HLA-DQB2: variants seen among roughly 807,000 people sequenced by gnomAD.
HLA-DQB2 encodes HLA class II histocompatibility antigen, DQ beta 2 chain.
A neutral mutation model predicts 29.2 loss-of-function variants in HLA-DQB2; 24 were observed. That is an observed-to-expected ratio of 0.82 (90% CI 0.60 to 1.16). The LOEUF (loss-of-function observed/expected upper bound fraction) is 1.16. Among genes scored for constraint, HLA-DQB2 ranks in the 50% most tolerant of loss-of-function variants. The probability of loss-of-function intolerance (pLI) is 0.00; values close to 1 mark genes in which losing one functional copy is unlikely to be tolerated. For synonymous variants in HLA-DQB2, 104 were observed against 133.1 expected, an observed-to-expected ratio of 0.78 and a Z score of 1.51; for missense variants, 273 against 343.6, an observed-to-expected ratio of 0.79 and a Z score of 1.62.
intron 1 of HLA-DQB2, 66 bp from the exon 2 acceptor site, chr6:32,761,992 C>G (rs1350085930): frequency 7.1e-6 from 11 of 1,555,636 alleles, no homozygotes; most frequent in Non-Finnish European, 8.7e-6. Flanking sequence ...CCAGCCGGAC[C>G]GCACCCTTCA....
At chr6:32,759,235 A>C in intron 2 of HLA-DQB2, 104 bp from the exon 3 acceptor site, 1 of 1,376,302 alleles carries the variant, frequency 7.3e-7, no homozygotes, top group Non-Finnish European at 9.8e-7. Flanking sequence ...ATAGAAAGAT[A>C]CCTGGAGTCC....
At chr6:32,760,967 T>C (rs1764733902) in intron 2 of HLA-DQB2, among the ~76,000 whole-genome samples, 2 of 152,280 alleles carry the variant, frequency 1.3e-5, no homozygotes, top group Admixed American at 1.3e-4. Context: ...AGTACATTTA[T>C]TCATTAATTT....
rs1484763621 is a variant in HLA-DQB2, at chr6:32,763,517, A to C, written c.-47T>G. ...CAAGGAAAAAGCAGTGGTAGTCAAC[A>C]CAGCTCAAACCTAATGGATCTTATG... is the stretch of plus-strand genomic sequence containing the variant. On this transcript the variant is annotated 5_prime_UTR_variant, in exon 1 of 6. Transcript: ENST00000437316. The C allele has an allele frequency of 1.6e-5, 20 of 1,225,860 alleles. No homozygotes were observed. The highest frequency in any genetic ancestry group is 2.1e-5 in the Non-Finnish European group (18 of 849,302). The allele number at this position is 1,225,860 out of a possible 1,614,324, so 75.9% of individuals were successfully genotyped here. A position where few individuals can be genotyped will look rare whatever the true frequency, so the allele number is the denominator to read the frequency against.
Position 32,758,969 on chromosome 6 carries a change from C to T in HLA-DQB2, c.527G>A (p.Arg176Lys). ...TAGVVSTSLI[R>K]NGDWTFQILV... ...AATCTGGAAGGTCCAGTCACCATTC[C>T]TAATGAGGGAGGTGGACACAACACC... Residue 176 changes from arginine (R) to lysine (K), a missense_variant, in exon 3 of 6, where the codon AGG becomes AAG. Arg to Lys is a conservative substitution (Grantham distance 26). Transcript: ENST00000437316. 1 of 1,614,248 alleles carries T rather than the reference C, an allele frequency of 6.2e-7. No homozygotes were observed.
intron 2 of HLA-DQB2, among the ~76,000 whole-genome samples, chr6:32,761,300 G>GGAAACT (rs1764779027): frequency 6.8e-6 from 1 of 147,748 alleles, no homozygotes; most frequent in Non-Finnish European, 1.5e-5. Context: ...GGAAGAGGGC[G>GGAAACT]GGCATTCGGG....
At chr6:32,762,394 A>G (rs938675311) in intron 1 of HLA-DQB2, among the ~76,000 whole-genome samples, 1 of 148,326 alleles carries the variant, frequency 6.7e-6, no homozygotes, top group Non-Finnish European at 1.5e-5. Flanking sequence ...ATCCTGATGT[A>G]AGTATTCTCT....
At chr6:32,759,831 T>G (rs1278268829) in intron 2 of HLA-DQB2, among the ~76,000 whole-genome samples, 2 of 152,256 alleles carry the variant, frequency 1.3e-5, no homozygotes, top group Non-Finnish European at 2.9e-5. Flanking sequence ...TGAATGTGCC[T>G]GTAATGCAAA....
intron 2 of HLA-DQB2, among the ~76,000 whole-genome samples, chr6:32,759,726 G>A (rs1764610886): frequency 6.6e-6 from 1 of 152,174 alleles, no homozygotes; most frequent in Non-Finnish European, 1.5e-5. Flanking sequence ...CCATCCCCTT[G>A]CTATTGAGAA....
Position 32,757,853 on chromosome 6 carries a change from A to G in HLA-DQB2, c.677T>C (p.Met226Thr), listed in dbSNP as rs1764412908. 6.2e-7 allele frequency: 1 copy of G among 1,613,706 alleles called. No individual in the cohort carries two copies. The highest frequency in any genetic ancestry group is 1.7e-4 in the Middle Eastern group (1 of 6,060). The change falls in exon 4 of 6, where the codon ATG (methionine) becomes ACG (threonine). Residue 226 changes from methionine to threonine, a missense_variant. By Grantham distance (81) the Met-to-Thr change is moderately conservative. Transcript: ENST00000437316. ...RAQSESAQSK[M>T]LSGIGGFVLG... ...CACGAAGCCTCCAATGCCACTCAGCATCTTGCTCTGGGCAGATTCAGACTG... is the reference window on the plus strand; with the variant it reads ...CACGAAGCCTCCAATGCCACTCAGCGTCTTGCTCTGGGCAGATTCAGACTG...
chr6:32,763,337 C>T, intron 1 of HLA-DQB2, 37 bp downstream of exon 1: 1 of 1,248,954 alleles, frequency 8.0e-7, no homozygotes, highest in Non-Finnish European at 1.1e-6. Context: ...CCTGTTCCCA[C>T]AGTGGTGGCT....
intron 2 of HLA-DQB2, 102 bp from the exon 3 acceptor site, chr6:32,759,233 A>G (rs1764560784): frequency 6.6e-5 from 92 of 1,383,500 alleles, no homozygotes; most frequent in Non-Finnish European, 8.9e-5. Flanking sequence ...GAATAGAAAG[A>G]TACCTGGAGT....
rs746713265 is a variant in HLA-DQB2 at position 32,757,791 on chromosome 6, G to C, written c.739C>G (p.Arg247Gly). The C allele has an allele frequency of 1.9e-6, 3 of 1,613,152 alleles. No individual in the cohort carries two copies. The Admixed American group carries it at 5.0e-5, about 27-fold the overall frequency. The change falls in exon 4 of 6, where the codon CGT (arginine) becomes GGT (glycine). Residue 247 changes from arginine to glycine, a missense_variant. Arg to Gly is a moderately radical substitution (Grantham distance 125). Coordinates refer to ENST00000437316, the MANE Select transcript of HLA-DQB2 (RefSeq NM_001300790.2). Reference protein sequence around the residue: ...LIFLGLGLIIRHRGQKGPRGP... With the variant: ...LIFLGLGLIIGHRGQKGPRGP... The stretch of plus-strand genomic sequence containing the variant: ...TCCTCACCTTTCTGACCCCTGTGAC[G>C]GATGATAAGGCCCAGCCCGAGGAAG...
rs1764339028 is a variant in HLA-DQB2 at position 32,757,287 on chromosome 6, G to A, written c.775C>T (p.Pro259Ser). ...ATCATGGCTGAAATATTACCTGCTG[G>A]TGGAGGCCCTCGAGGTCCTACAAAA... Reference protein sequence around the residue: ...RGQKGPRGPPPAGLLH With the variant: ...RGQKGPRGPPSAGLLH The change falls in exon 5 of 6, where the codon CCA (proline) becomes TCA (serine). Residue 259 changes from proline to serine, a missense_variant. By Grantham distance (74) the Pro-to-Ser change is moderately conservative (BLOSUM62 -1). Coordinates refer to ENST00000437316, the MANE Select transcript of HLA-DQB2 (RefSeq NM_001300790.2). 3 of 1,550,112 alleles carry A rather than the reference G, an allele frequency of 1.9e-6. No individual in the cohort carries two copies. Among genetic ancestry groups the A allele is most frequent in the African/African-American group, 1.4e-5 (1 of 72,990 alleles).
At chr6:32,757,037 TGAGAC>T in intron 5 of HLA-DQB2, 1 of 1,380,582 alleles carries the variant, frequency 7.2e-7, no homozygotes, top group Non-Finnish European at 9.3e-7. Flanking sequence ...TTTTTTTTTT[TGAGAC>T]AGACTCTAGC....
Position 32,756,117 on chromosome 6 carries a change from A to T in HLA-DQB2, c.*336T>A. The T allele has an allele frequency of 2.7e-6, 1 of 366,160 alleles. No individual in the cohort carries two copies. The highest frequency in any genetic ancestry group is 4.9e-6 in the Non-Finnish European group (1 of 202,806). 22.7% of individuals were successfully genotyped at this position (366,160 alleles called of 1,614,324 possible). A position where few individuals can be genotyped will look rare whatever the true frequency, so the allele number is the denominator to read the frequency against. ...TACAGATAACTCAGAATCAGGTTTA[A>T]TTATGGGAAAAAGCACTAAAGTCAG... On this transcript the variant is annotated 3_prime_UTR_variant, in exon 6 of 6. Transcript: ENST00000437316.
chr6:32,758,870 C>A lies in HLA-DQB2; in HGVS notation c.626G>T (p.Ser209Ile). The A allele has an allele frequency of 1.9e-6, 3 of 1,591,418 alleles. No homozygotes were observed. The African/African-American group carries it at 4.2e-5, about 22-fold the overall frequency. Residue 209 changes from serine (S) to isoleucine (I), a missense_variant, in exon 3 of 6, where the codon AGC becomes ATC. By Grantham distance (142) the Ser-to-Ile change is moderately radical. Coordinates refer to ENST00000437316, the MANE Select transcript of HLA-DQB2 (RefSeq NM_001300790.2). ...CTTACGCCACTCCACGGTGATGGGG[C>A]TCTGGAGGCTGGGGTGCTCCACTTG... is the stretch of plus-strand genomic sequence containing the variant. ...TCQVEHPSLQ[S>I]PITVEWRAQS...
rs777452739 is a variant in HLA-DQB2, at chr6:32,763,480, C to T, written c.-10G>A. ...GGATCTGCAGAGCCATCTTCCAAGA[C>T]GTAAGTGAGACCAAGGAAAAAGCAG... On this transcript the variant is annotated 5_prime_UTR_variant, in exon 1 of 6. Transcript: ENST00000437316. 2.1e-5 allele frequency: 33 copies of T among 1,544,082 alleles called. No homozygotes were observed. The highest frequency in any genetic ancestry group is 6.0e-5 in the South Asian group (5 of 84,024).
intron 2 of HLA-DQB2, 49 bp from the exon 3 acceptor site, chr6:32,759,180 C>A: frequency 6.3e-7 from 1 of 1,585,142 alleles, no homozygotes; most frequent in Non-Finnish European, 8.6e-7. Context: ...GATGTGAGAC[C>A]ACACAGCACG....
intron 2 of HLA-DQB2, 58 bp from the exon 3 acceptor site, chr6:32,759,189 C>T (rs34109750): frequency 0.19 from 284,889 of 1,488,460 alleles, no homozygotes; most frequent in South Asian, 0.21. Context: ...CCACACAGCA[C>T]GCCTGCTGTG....
Sources: gnomAD v4.1 joint callset for allele counts (sites outside exome capture counted in the v4.1 genomes callset) on GRCh38, gnomAD v4.1.1 for gene constraint, MANE v1.5 for transcripts, NCBI Gene and HGNC (gene_info 2026-07-23, HGNC 2026-07-21) for gene names.